The following RIPK3 variants were observed in gnomAD, a reference collection of about 807,000 sequenced individuals.
RIPK3 encodes the protein receptor-interacting serine/threonine-protein kinase 3.
RIPK3 carries 51 observed loss-of-function variants against 51.6 expected under a neutral mutation model. The ratio of observed to expected loss-of-function variants is 0.99; its 90% CI spans 0.79 to 1.25. RIPK3 has a LOEUF of 1.25. RIPK3 is among the 50% of genes most tolerant of loss of function. The pLI, the probability that RIPK3 is intolerant of heterozygous loss-of-function variation, is 0.00. For missense variants in RIPK3, 654 were observed against 650.4 expected (o/e 1.01, Z -0.06); for synonymous variants, 246 against 257.7 (o/e 0.95, Z 0.44).
Position 24,337,974 on chromosome 14 carries a change from T to A in RIPK3, c.731A>T (p.Glu244Val), listed in dbSNP as rs1401371068. 1.2e-6 allele frequency: 2 copies of A among 1,614,092 alleles called. No homozygotes were observed. The highest frequency in any genetic ancestry group is 1.3e-5 in the African/African-American group (1 of 74,940). ...CNRQNRPSLA[E>V]LPQAGPETPG... ...AGTCTCAGGCCCGGCTTGGGGCAGC[T>A]CAGCCAATGAAGGCCGGTTCTGCCT... The change falls in exon 6 of 10, where the codon GAG becomes GTG. Residue 244 changes from glutamate to valine, a missense_variant. Transcript: ENST00000216274.
chr14:24,336,262 G>A lies in RIPK3; in HGVS notation c.1470C>T (p.His490=). 6.2e-7 allele frequency: 1 copy of A among 1,614,068 alleles called. No individual in the cohort carries two copies. Among genetic ancestry groups the A allele is most frequent in the African/African-American group, 1.3e-5 (1 of 75,052 alleles). The change falls in exon 10 of 10, where the codon CAC becomes CAT. Residue 490 remains histidine, a synonymous_variant. Transcript: ENST00000216274. ...CTTCTTGCGAACCTACTGGTGGGGG[G>A]TGCTGCAAGCCCCTCCCCTTGCCCG... ...APSGKGRGLQ[H]PPPVGSQEGP... is the part of the protein sequence containing the mutation.
In RIPK3 at chr14:24,339,644, G is replaced by A. The variant is rs144028442; in HGVS notation, c.21-47C>T. On this transcript the variant is annotated intron_variant, in intron 1 of 9. Transcript: ENST00000216274. This position sits in a 1 kb window ranked among gnomAD's most constrained non-coding sequence, Gnocchi z 4.0. ...CTAGCCGGCCGTGCCGTGCCTCAGC[G>A]CTGCTCCCCGCGCCCCTGTGACTCG... 10 of 1,609,668 alleles carry A rather than the reference G, an allele frequency of 6.2e-6. No individual in the cohort carries two copies. In the East Asian group the frequency reaches 2.0e-4, roughly 32 times the overall value.
intron 8 of RIPK3, 32 bp from the exon 9 acceptor site, chr14:24,336,977 C>T (rs1219084500): frequency 1.2e-6 from 2 of 1,610,244 alleles, no homozygotes; most frequent in Admixed American, 1.7e-5. Context: ...CAGTTCTGCC[C>T]TGGAGCCTGG....
chr14:24,336,580 T>C, intron 9 of RIPK3, 185 bp from the exon 10 acceptor site: 1 of 863,508 alleles, frequency 1.2e-6, no homozygotes, highest in Non-Finnish European at 1.7e-6. Context: ...CAATTGACAT[T>C]TGAGACCCTG....
rs1276197651 is a variant in RIPK3, at chr14:24,336,057, G to T, written c.*118C>A. On this transcript the variant is annotated 3_prime_UTR_variant, in exon 10 of 10. Transcript: ENST00000216274. ...CCATCATGTTTATTGACTCCTGGGGGACAGGTCACAAAGTCAGTTTGTGGG... is the reference window on the plus strand; with the variant it reads ...CCATCATGTTTATTGACTCCTGGGGTACAGGTCACAAAGTCAGTTTGTGGG... 3.0e-6 allele frequency: 3 copies of T among 991,698 alleles called. No individual in the cohort carries two copies. The highest frequency in any genetic ancestry group is 4.4e-6 in the Non-Finnish European group (3 of 680,264). The allele number at this position is 991,698 out of a possible 1,614,324, so 61.4% of individuals were successfully genotyped here.
rs781628404 is a variant in RIPK3, at chr14:24,339,539, C to G, written c.79G>C (p.Val27Leu). The part of the protein sequence containing the change: ...SIEELENQEL[V>L]GKGGFGTVFR... ...ACTGTGCCGAACCCGCCTTTGCCGACGAGCTCCTGGTTCTCCAGTTCCTCG... is the reference window on the plus strand; with the variant it reads ...ACTGTGCCGAACCCGCCTTTGCCGAGGAGCTCCTGGTTCTCCAGTTCCTCG... The change falls in exon 2 of 10, where the codon GTC (valine) becomes CTC (leucine). Residue 27 changes from valine to leucine, a missense_variant. Transcript: ENST00000216274. This position sits in a 1 kb window ranked among gnomAD's most constrained non-coding sequence, Gnocchi z 4.0. 13 of 1,614,212 alleles carry G rather than the reference C, an allele frequency of 8.1e-6. No homozygotes were observed. Among genetic ancestry groups the G allele is most frequent in the Middle Eastern group, 1.6e-4 (1 of 6,062 alleles).
At position 24,339,714 on chromosome 14, in the gene RIPK3, T is replaced by TC. The variant is rs1263080765; in HGVS notation, c.20+92dup. Reference sequence around the variant, plus strand: ...CAGCCTCCCTCGCCGGCCCCCACCGTCCCCGGACTCAAAGACGTTCTCTGA... The same window carrying TC: ...CAGCCTCCCTCGCCGGCCCCCACCGTCCCCCGGACTCAAAGACGTTCTCTGA... On this transcript the variant is annotated intron_variant, in intron 1 of 9. Coordinates refer to ENST00000216274, the MANE Select transcript of RIPK3 (RefSeq NM_006871.4). This position sits in a 1 kb window ranked among gnomAD's most constrained non-coding sequence, Gnocchi z 4.0. 15 of 1,575,686 alleles carry TC rather than the reference T, an allele frequency of 9.5e-6. No individual in the cohort carries two copies. Among genetic ancestry groups the TC allele is most frequent in the African/African-American group, 2.7e-5 (2 of 73,996 alleles).
At chr14:24,338,926 A>G in intron 3 of RIPK3, 89 bp downstream of exon 3, 2 of 1,051,054 alleles carry the variant, frequency 1.9e-6, no homozygotes, top group Non-Finnish European at 2.9e-6. Flanking sequence ...TTCAATAGAC[A>G]GGGCTCTGGA....
Position 24,338,999 on chromosome 14 carries a change from G to T in RIPK3, c.471+16C>A, listed in dbSNP as rs774356217. 1.9e-6 allele frequency: 3 copies of T among 1,603,298 alleles called. No homozygotes were observed. Among genetic ancestry groups the T allele is most frequent in the Non-Finnish European group, 2.6e-6 (3 of 1,170,220 alleles). ...GGGCCTTGTCTTGAGGCTGAGAGGG[G>T]TGTAGACCAGCTGACCTTGACGTGC... On this transcript the variant is annotated intron_variant, in intron 3 of 9. Transcript: ENST00000216274.
At chr14:24,337,576 G>A (rs564416138) in intron 7 of RIPK3, 116 bp from the exon 8 acceptor site, 26 of 1,585,048 alleles carry the variant, frequency 1.6e-5, no homozygotes, top group African/African-American at 1.6e-4. Context: ...GGCTGGGGAC[G>A]GTGGGTACAA....
intron 9 of RIPK3, 152 bp downstream of exon 9, chr14:24,336,733 G>A (rs1208271951): frequency 3.7e-6 from 3 of 811,220 alleles, no homozygotes; most frequent in Admixed American, 2.0e-5. Context: ...TTCTCAGGGG[G>A]TGTCGGTTTT....
In RIPK3 at chr14:24,336,196, C is replaced by T. The variant is rs1339416178; in HGVS notation, c.1536G>A (p.Trp512Ter). The stretch of plus-strand genomic sequence containing the variant: ...TGCTTTATTTCCCGCTATGATTATA[C>T]CAACCCTGTGGCCTGCTCCAGGCTT... ...DPEAWSRPQG[W>*]YNHSGK Residue 512 changes from tryptophan (W) to a stop codon, truncating the protein, a stop_gained, in exon 10 of 10, where the codon TGG (tryptophan) becomes TGA (stop). Coordinates refer to ENST00000216274, the MANE Select transcript of RIPK3 (RefSeq NM_006871.4). LOFTEE classifies it low-confidence loss of function (END_TRUNC). The T allele has an allele frequency of 1.9e-6, 3 of 1,613,608 alleles. No homozygotes were observed. The highest frequency in any genetic ancestry group is 1.3e-5 in the African/African-American group (1 of 74,926).
Position 24,338,282 on chromosome 14 carries a change from T to C in RIPK3, c.631A>G (p.Met211Val), listed in dbSNP as rs1672235528. Residue 211 changes from methionine (M) to valine (V), a missense_variant, in exon 5 of 10, where the codon ATG (methionine) becomes GTG (valine). Transcript: ENST00000216274. The stretch of plus-strand genomic sequence containing the variant: ...TCTCTTCCAGCAAGCACTGCCCACA[T>C]TAGGATCCCGAAGCTGCAGGAGACA... ...ASDVYSFGIL[M>V]WAVLAGREVE... The C allele has an allele frequency of 6.6e-7, 1 of 1,525,024 alleles. No homozygotes were observed. The highest frequency in any genetic ancestry group is 8.8e-7 in the Non-Finnish European group (1 of 1,136,308). 94.5% of individuals were successfully genotyped at this position (1,525,024 alleles called of 1,614,324 possible). A position where few individuals can be genotyped will look rare whatever the true frequency, so the allele number is the denominator to read the frequency against.
chr14:24,339,804 C>A lies in RIPK3; in HGVS notation c.20+3G>T, dbSNP rs748087016. On this transcript the variant is annotated splice_donor_region_variant and intron_variant, in intron 1 of 9. Transcript: ENST00000216274. The surrounding 1 kb of genome is among the most constrained non-coding windows in gnomAD (Gnocchi z 4.0). Reference sequence around the variant, plus strand: ...TGCGATCGACATGCCACTCCCTACTCACCATAACTTGACGCACGACATCAG... The same window carrying A: ...TGCGATCGACATGCCACTCCCTACTAACCATAACTTGACGCACGACATCAG... The A allele has an allele frequency of 5.7e-6, 9 of 1,578,030 alleles. No individual in the cohort carries two copies. The South Asian group carries it at 1.1e-4, about 19-fold the overall frequency.
intron 9 of RIPK3, 182 bp from the exon 10 acceptor site, chr14:24,336,577 C>T (rs2042137996): frequency 1.1e-6 from 1 of 870,824 alleles, no homozygotes; most frequent in Non-Finnish European, 1.7e-6. Flanking sequence ...TGGCAATTGA[C>T]ATTTGAGACC....
chr14:24,338,477 G>A lies in RIPK3; in HGVS notation c.562C>T (p.Pro188Ser). The A allele has an allele frequency of 6.2e-7, 1 of 1,613,892 alleles. No individual in the cohort carries two copies. The highest frequency in any genetic ancestry group is 8.5e-7 in the Non-Finnish European group (1 of 1,179,820). The change falls in exon 4 of 10, where the codon CCA becomes TCA. Residue 188 changes from proline (P) to serine (S), a missense_variant. Coordinates refer to ENST00000216274, the MANE Select transcript of RIPK3 (RefSeq NM_006871.4). ...EPGGTLGYLA[P>S]ELFVNVNRKA... ...CGGTTTACGTTAACAAACAGTTCTG[G>A]GGCCAAGTAGCCCAGGGTGCCCCCT...
rs1329969109 is a variant in RIPK3, at chr14:24,339,973, G to C, written c.-147C>G. The C allele has an allele frequency of 3.7e-6, 3 of 814,118 alleles. No homozygotes were observed. Among genetic ancestry groups the C allele is most frequent in the Non-Finnish European group, 5.5e-6 (3 of 546,472 alleles). 50.4% of individuals were successfully genotyped at this position (814,118 alleles called of 1,614,324 possible). ...GACCAAGACGGTGAGTCTACTTTCC[G>C]GGTTGTTACCCTTTTTCCGAGTTGA... is the stretch of plus-strand genomic sequence containing the variant. On this transcript the variant is annotated 5_prime_UTR_variant, in exon 1 of 10. Transcript: ENST00000216274. This position sits in a 1 kb window ranked among gnomAD's most constrained non-coding sequence, Gnocchi z 4.0.
chr14:24,336,139 A>G lies in RIPK3; in HGVS notation c.*36T>C. 6.3e-7 allele frequency: 1 copy of G among 1,594,450 alleles called. No individual in the cohort carries two copies. The highest frequency in any genetic ancestry group is 8.6e-7 in the Non-Finnish European group (1 of 1,168,668). On this transcript the variant is annotated 3_prime_UTR_variant, in exon 10 of 10. Coordinates refer to ENST00000216274, the MANE Select transcript of RIPK3 (RefSeq NM_006871.4). ...GCCTCAAGGGGTGGCACTCTTCCTT[A>G]ACTCGTAACTCTTGGAGGCAAGCTT...
intron 3 of RIPK3, 200 bp downstream of exon 3, chr14:24,338,815 G>T: frequency 3.0e-6 from 2 of 673,502 alleles, no homozygotes; most frequent in Non-Finnish European, 5.0e-6. Context: ...GAAATGACTC[G>T]TGTGGCTCAG....
Sources: gnomAD v4.1 joint callset for allele counts on GRCh38, gnomAD v4.1.1 for gene constraint, Gnocchi (gnomAD v3.1) non-coding constraint, MANE v1.5 for transcripts, NCBI Gene and HGNC (gene_info 2026-07-23, HGNC 2026-07-21) for gene names.